NRG3: variants seen among roughly 807,000 people sequenced by gnomAD.
The protein encoded by NRG3 is pro-neuregulin-3, membrane-bound isoform.
A neutral mutation model predicts 66.9 loss-of-function variants in NRG3; 31 were observed. The observed-to-expected ratio is 0.46, with a 90% CI of 0.35 to 0.63. NRG3 has a LOEUF of 0.63. Among genes scored for constraint, NRG3 ranks in the 20% least tolerant of loss-of-function variants. NRG3 has a pLI of 0.00. For synonymous variants in NRG3, 393 were observed against 359.4 expected (o/e 1.09, Z -1.06); for missense variants, 910 against 878.9 (o/e 1.04, Z -0.45).
intron 2 of NRG3, among the ~76,000 whole-genome samples, chr10:82,417,836 G>A (rs943255650): frequency 1.3e-5 from 2 of 152,142 alleles, no homozygotes; most frequent in Non-Finnish European, 2.9e-5. Context: ...TGTGTGCACT[G>A]GCCTTGTAAC....
At chr10:82,888,644 C>G (rs754175331) in intron 4 of NRG3, among the ~76,000 whole-genome samples, 2 of 152,124 alleles carry the variant, frequency 1.3e-5, no homozygotes, top group Non-Finnish European at 2.9e-5. Flanking sequence ...ATGATTAAAA[C>G]TGACAAAGAT....
At chr10:82,308,625 C>A (rs1350027602) in intron 1 of NRG3, among the ~76,000 whole-genome samples, 1 of 152,150 alleles carries the variant, frequency 6.6e-6, no homozygotes, top group East Asian at 1.9e-4. Flanking sequence ...TAGACATATG[C>A]AGCCATGTTT....
At chr10:82,316,883 G>C (rs1266262946) in intron 1 of NRG3, among the ~76,000 whole-genome samples, 2 of 152,154 alleles carry the variant, frequency 1.3e-5, no homozygotes, top group East Asian at 3.9e-4. Flanking sequence ...GGAAACCATG[G>C]AGCAGATTCC....
intron 2 of NRG3, among the ~76,000 whole-genome samples, chr10:82,731,744 A>C (rs2057918045): frequency 6.6e-6 from 1 of 152,164 alleles, no homozygotes; most frequent in East Asian, 1.9e-4. Flanking sequence ...TAGGAATGTA[A>C]ATATCTCTTC....
At chr10:82,566,999 C>T (rs998197713) in intron 2 of NRG3, among the ~76,000 whole-genome samples, 1 of 151,886 alleles carries the variant, frequency 6.6e-6, no homozygotes, top group Non-Finnish European at 1.5e-5. Flanking sequence ...CTCTTCACAG[C>T]AATACTCTTC....
In NRG3 at chr10:82,155,558, C is replaced by G. The variant is rs542743216; in HGVS notation, c.824-203181C>G. On this transcript the variant is annotated intron_variant, in intron 1 of 8. Coordinates refer to ENST00000372141, the MANE Select transcript of NRG3 (RefSeq NM_001010848.4). ...GCTGTGTAAAAATGCTAATTACAAACATATCGTAATAAAAAGGGTATGGCT... is the reference window on the plus strand; with the variant it reads ...GCTGTGTAAAAATGCTAATTACAAAGATATCGTAATAAAAAGGGTATGGCT... Among the ~76,000 whole-genome samples, 194 of 151,656 alleles carry G rather than the reference C, an allele frequency of 1.3e-3. 3 individuals carry two copies. The highest frequency in any genetic ancestry group is 4.3e-3 in the African/African-American group (179 of 41,464).
chr10:82,873,574 C>T (rs1162060593), intron 4 of NRG3, among the ~76,000 whole-genome samples: 4 of 152,154 alleles, frequency 2.6e-5, no homozygotes, highest in Admixed American at 1.3e-4. Flanking sequence ...TCTTATCTAA[C>T]AAATATCTAG....
intron 2 of NRG3, among the ~76,000 whole-genome samples, chr10:82,711,980 T>G (rs1008350942): frequency 2.0e-5 from 3 of 152,218 alleles, no homozygotes; most frequent in Non-Finnish European, 4.4e-5. Context: ...ATGCTTTTCT[T>G]TCTATTCAAG....
At chr10:82,730,160 A>G (rs900718245) in intron 2 of NRG3, among the ~76,000 whole-genome samples, 3 of 149,504 alleles carry the variant, frequency 2.0e-5, no homozygotes, top group Non-Finnish European at 4.4e-5. Flanking sequence ...ATCTCGGCCA[A>G]TGCAAGCTCT....
At chr10:81,956,693 A>G (rs1258635742) in intron 1 of NRG3, among the ~76,000 whole-genome samples, 1 of 151,994 alleles carries the variant, frequency 6.6e-6, no homozygotes, top group African/African-American at 2.4e-5. Flanking sequence ...ATTTTTCCCT[A>G]CTACAGATTA....
chr10:82,717,098 C>G (rs951767062), intron 2 of NRG3, among the ~76,000 whole-genome samples: 6 of 152,034 alleles, frequency 3.9e-5, no homozygotes, highest in Non-Finnish European at 8.8e-5. Flanking sequence ...TTCCCAAAGA[C>G]ACCGAATGAT....
At chr10:82,585,677 CT>C (rs1415640562) in intron 2 of NRG3, among the ~76,000 whole-genome samples, 2 of 152,074 alleles carry the variant, frequency 1.3e-5, no homozygotes, top group African/African-American at 4.8e-5. Context: ...TCTCTACAAC[CT>C]TGTGGCCATC....
intron 4 of NRG3, among the ~76,000 whole-genome samples, chr10:82,951,189 C>T (rs575780345): frequency 1.3e-5 from 2 of 152,170 alleles, no homozygotes; most frequent in South Asian, 4.1e-4. Context: ...CCCAGTAAAT[C>T]CTAAAGTCAT....
At chr10:81,876,900 T>C (rs1379069106) in intron 1 of NRG3, among the ~76,000 whole-genome samples, 1 of 151,976 alleles carries the variant, frequency 6.6e-6, no homozygotes. Flanking sequence ...CCTGCAGAGC[T>C]GCCACCTCTA....
At chr10:82,222,459 G>T (rs1047339065) in intron 1 of NRG3, among the ~76,000 whole-genome samples, 1 of 152,088 alleles carries the variant, frequency 6.6e-6, no homozygotes, top group Non-Finnish European at 1.5e-5. Context: ...GGACACAAAG[G>T]ATGTACCAAG....
chr10:82,835,694 C>T (rs1461242007), intron 3 of NRG3, among the ~76,000 whole-genome samples: 1 of 152,140 alleles, frequency 6.6e-6, no homozygotes, highest in Non-Finnish European at 1.5e-5. Flanking sequence ...TTATTGTCAT[C>T]AGCCTATCAT....
At chr10:82,949,523 T>C (rs1055813788) in intron 4 of NRG3, among the ~76,000 whole-genome samples, 1 of 152,108 alleles carries the variant, frequency 6.6e-6, no homozygotes, top group Non-Finnish European at 1.5e-5. Context: ...AATGTTCTAA[T>C]TTTAGTATGC....
intron 1 of NRG3, among the ~76,000 whole-genome samples, chr10:82,085,637 C>A (rs1163448250): frequency 6.7e-6 from 1 of 149,266 alleles, no homozygotes; most frequent in African/African-American, 2.5e-5. Context: ...CCATTCACCT[C>A]TTTTTTTTTT....
intron 2 of NRG3, among the ~76,000 whole-genome samples, chr10:82,548,637 A>G (rs2044097557): frequency 6.6e-6 from 1 of 151,884 alleles, no homozygotes; most frequent in African/African-American, 2.4e-5. Flanking sequence ...AACAGAACCA[A>G]ATAGATGTGT....
Sources: gnomAD v4.1 joint callset for allele counts (sites outside exome capture counted in the v4.1 genomes callset) on GRCh38, gnomAD v4.1.1 for gene constraint, MANE v1.5 for transcripts, NCBI Gene and HGNC (gene_info 2026-07-23, HGNC 2026-07-21) for gene names.